The following TENM3 variants were observed in gnomAD, a reference collection of about 807,000 sequenced individuals.
TENM3 encodes teneurin transmembrane protein 3.
In TENM3, 63 loss-of-function variants were observed where a neutral mutation model predicts 255.1. That is an observed-to-expected ratio of 0.25 (90% CI 0.20 to 0.30). TENM3 has a LOEUF of 0.30. Ranked by LOEUF, TENM3 falls within the 10% of genes least tolerant of loss-of-function variation. TENM3 has a pLI of 1.00. For synonymous variants in TENM3, 1,306 were observed against 1,322.3 expected (o/e 0.99, Z 0.27); for missense variants, 2,929 against 3,461.1 (o/e 0.85, Z 3.86).
At chr4:182,199,334 A>G (rs1473871093) in intron 1 of TENM3, among the ~76,000 whole-genome samples, 4 of 152,130 alleles carry the variant, frequency 2.6e-5, no homozygotes, top group Non-Finnish European at 5.9e-5. Context: ...AGGCAGGAGA[A>G]TGGCCTGAAC....
chr4:182,211,614 AT>A (rs1386046191), intron 1 of TENM3, among the ~76,000 whole-genome samples: 2 of 152,234 alleles, frequency 1.3e-5, no homozygotes, highest in African/African-American at 2.4e-5. Flanking sequence ...AAAAATCATT[AT>A]CAATTCAGCT....
chr4:182,327,376 A>G (rs1221677049), intron 2 of TENM3, among the ~76,000 whole-genome samples: 1 of 152,220 alleles, frequency 6.6e-6, no homozygotes, highest in Non-Finnish European at 1.5e-5. Flanking sequence ...TCCTTGAATG[A>G]CACAGGGAAA....
chr4:182,219,830 A>T (rs1235871494), intron 1 of TENM3, among the ~76,000 whole-genome samples: 1 of 152,206 alleles, frequency 6.6e-6, no homozygotes, highest in African/African-American at 2.4e-5. Context: ...CAGTCAAATG[A>T]TGAAGTCTGC....
chr4:181,748,645 T>A, the TENM3 span, among the ~76,000 whole-genome samples: 1 of 152,064 alleles, frequency 6.6e-6, no homozygotes, highest in Non-Finnish European at 1.5e-5. Context: ...GAAATAAGCA[T>A]CCTGTGTATA....
chr4:182,265,961 C>A (rs1759216083), intron 1 of TENM3, among the ~76,000 whole-genome samples: 1 of 152,210 alleles, frequency 6.6e-6, no homozygotes, highest in Non-Finnish European at 1.5e-5. Context: ...AGGTCATAAA[C>A]TGCCTCTTTA....
At chr4:181,591,703 C>A in the TENM3 span, among the ~76,000 whole-genome samples, 48 of 152,286 alleles carry the variant, frequency 3.2e-4, no homozygotes, top group South Asian at 2.9e-3. Flanking sequence ...AGCCCTATTG[C>A]AGACTGCACA....
chr4:182,524,267 A>T (rs140875151), intron 3 of TENM3, among the ~76,000 whole-genome samples: 48 of 151,782 alleles, frequency 3.2e-4, no homozygotes, highest in African/African-American at 1.1e-3. Context: ...AATTGGTGAC[A>T]TGTCAAAAAT....
chr4:181,684,992 C>G, the TENM3 span, among the ~76,000 whole-genome samples: 1 of 133,896 alleles, frequency 7.5e-6, no homozygotes, highest in Non-Finnish European at 1.5e-5. Flanking sequence ...TCTTGAACTG[C>G]TAGGCTCAAA....
chr4:181,873,349 G>A, the TENM3 span, among the ~76,000 whole-genome samples: 40 of 152,274 alleles, frequency 2.6e-4, no homozygotes, highest in South Asian at 2.9e-3. Context: ...GGTAACAGGC[G>A]TGAGCCACCA....
chr4:181,697,556 G>T, the TENM3 span, among the ~76,000 whole-genome samples: 1 of 151,948 alleles, frequency 6.6e-6, no homozygotes, highest in African/African-American at 2.4e-5. Flanking sequence ...ACCACACCCG[G>T]CTAATTTTTG....
the TENM3 span, among the ~76,000 whole-genome samples, chr4:182,018,375 G>A: frequency 3.1e-3 from 406 of 129,124 alleles, no homozygotes; most frequent in African/African-American, 0.011. Context: ...CTCAATGGAA[G>A]AAGAAAAAAA....
chr4:181,506,380 A>G, the TENM3 span, among the ~76,000 whole-genome samples: 1 of 150,836 alleles, frequency 6.6e-6, no homozygotes, highest in Non-Finnish European at 1.5e-5. Flanking sequence ...CAAATCCAGG[A>G]CGGAATGTTC....
chr4:181,573,998 A>G, the TENM3 span, among the ~76,000 whole-genome samples: 9 of 152,210 alleles, frequency 5.9e-5, no homozygotes, highest in Non-Finnish European at 1.2e-4. Flanking sequence ...TGAGAAACTT[A>G]GAGATGTATT....
intron 1 of TENM3, among the ~76,000 whole-genome samples, chr4:182,299,847 G>A (rs140287012): frequency 1.4e-4 from 21 of 152,078 alleles, no homozygotes; most frequent in African/African-American, 5.1e-4. Flanking sequence ...ATTACAGCAC[G>A]AGCAGGGTGA....
the TENM3 span, among the ~76,000 whole-genome samples, chr4:181,888,517 T>TACACAC: frequency 6.9e-5 from 1 of 14,526 alleles, no homozygotes; most frequent in Non-Finnish European, 1.3e-4. Context: ...TATATATATG[T>TACACAC]ATATATATAC....
At chr4:182,043,420 A>G in the TENM3 span, among the ~76,000 whole-genome samples, 1 of 152,186 alleles carries the variant, frequency 6.6e-6, no homozygotes, top group Non-Finnish European at 1.5e-5. Context: ...TATATTTTGT[A>G]CAACTGCCTG....
the TENM3 span, among the ~76,000 whole-genome samples, chr4:181,839,371 AT>A: frequency 2.0e-5 from 1 of 49,804 alleles, no homozygotes; most frequent in Non-Finnish European, 5.0e-5. Context: ...ATATATATAT[AT>A]ATATATATAT....
intron 5 of TENM3, among the ~76,000 whole-genome samples, chr4:182,645,314 T>G (rs962333252): frequency 6.6e-6 from 1 of 151,952 alleles, no homozygotes; most frequent in Non-Finnish European, 1.5e-5. Flanking sequence ...AAGAATTCAG[T>G]GTTAAGAGAT....
intron 3 of TENM3, among the ~76,000 whole-genome samples, chr4:182,558,477 C>T (rs912803892): frequency 3.9e-5 from 6 of 152,094 alleles, no homozygotes; most frequent in South Asian, 2.1e-4. Context: ...CAACAGGCTA[C>T]TCTAGATGAA....
Sources: allele counts gnomAD v4.1 joint callset (sites outside exome capture counted in the v4.1 genomes callset), GRCh38; gene constraint gnomAD v4.1.1; transcripts MANE v1.5; gene names NCBI Gene and HGNC (gene_info 2026-07-23, HGNC 2026-07-21).